Variants in ZNF274 observed in about 807,000 individuals in gnomAD.
ZNF274 encodes the protein neurotrophin receptor-interacting factor homolog.
A neutral mutation model predicts 42.5 loss-of-function variants in ZNF274; 23 were observed. The ratio of observed to expected loss-of-function variants is 0.54; its 90% CI spans 0.39 to 0.77. ZNF274 has a LOEUF of 0.77. ZNF274 is among the 30% of genes least tolerant of loss of function. The pLI, the probability that ZNF274 is intolerant of heterozygous loss-of-function variation, is 0.00. For synonymous variants in ZNF274, 292 were observed against 305.4 expected (o/e 0.96, Z 0.46); for missense variants, 679 against 806.5 (o/e 0.84, Z 1.91).
chr19:58,206,660 G>T (rs2075981109), intron 4 of ZNF274, 60 bp from the exon 5 acceptor site: 2 of 1,486,438 alleles, frequency 1.3e-6, no homozygotes, highest in Non-Finnish European at 1.8e-6. Context: ...GTGAATAATG[G>T]CGTTGAGCAT....
intron 4 of ZNF274, among the ~76,000 whole-genome samples, chr19:58,192,081 C>T (rs1011663934): frequency 6.6e-6 from 1 of 152,140 alleles, no homozygotes; most frequent in Non-Finnish European, 1.5e-5. Context: ...TAGCCAATTC[C>T]TGAAGGAAAA....
At chr19:58,196,091 G>C (rs557924949) in intron 4 of ZNF274, among the ~76,000 whole-genome samples, 4 of 152,328 alleles carry the variant, frequency 2.6e-5, no homozygotes, top group Non-Finnish European at 4.4e-5. Flanking sequence ...CGAATCTTCA[G>C]CTCTCACTAA....
intron 4 of ZNF274, among the ~76,000 whole-genome samples, chr19:58,188,480 G>A (rs979183598): frequency 6.6e-6 from 1 of 150,740 alleles, no homozygotes; most frequent in African/African-American, 2.4e-5. Context: ...AATTAGCTGG[G>A]CATGGTGGGT....
intron 4 of ZNF274, among the ~76,000 whole-genome samples, chr19:58,198,687 A>T (rs1011609173): frequency 6.6e-6 from 1 of 152,126 alleles, no homozygotes; most frequent in Admixed American, 6.6e-5. Context: ...CTGACACAGT[A>T]TAGGTGCTCA....
chr19:58,188,694 G>GTGTATATATATATATATATATA (rs1555816897), intron 4 of ZNF274, among the ~76,000 whole-genome samples: 6 of 74,656 alleles, frequency 8.0e-5, no homozygotes, highest in African/African-American at 1.6e-4. Context: ...ATATGTATAT[G>GTGTATATATATATATATATATA]TATATATATA....
In ZNF274 at chr19:58,210,204, C is replaced by G. The variant is rs776793200; in HGVS notation, c.852+131C>G. ...CTGGGACATTCTGAGATTCTGAGCT[C>G]TTAGGTCTGTGCTGAAGCAATCTGA... On this transcript the variant is annotated intron_variant, in intron 6 of 7. Coordinates refer to ENST00000617501, the MANE Select transcript of ZNF274 (RefSeq NM_133502.3). 21 of 678,962 alleles carry G rather than the reference C, an allele frequency of 3.1e-5. No individual in the cohort carries two copies. In the Admixed American group the frequency reaches 4.2e-4, roughly 14 times the overall value. 42.1% of individuals were successfully genotyped at this position (678,962 alleles called of 1,614,324 possible).
Position 58,212,168 on chromosome 19 carries a change from G to T in ZNF274, c.987G>T (p.Glu329Asp). Residue 329 changes from glutamate to aspartate, a missense_variant, in exon 8 of 8, where the codon GAG (glutamate) becomes GAT (aspartate). Physicochemically the swap from Glu to Asp is conservative, Grantham distance 45 (BLOSUM62 2). Coordinates refer to ENST00000617501, the MANE Select transcript of ZNF274 (RefSeq NM_133502.3). The surrounding 1 kb of genome is among the most constrained non-coding windows in gnomAD (Gnocchi z 4.6). ...TTTGTTTATTTTTTTCAGGGTGGGA[G>T]ACTACACTGGAAAATAAAGAGTTAG... ...TFGHLVSVGW[E>D]TTLENKELAP... 6.2e-7 allele frequency: 1 copy of T among 1,602,400 alleles called. No homozygotes were observed. Among genetic ancestry groups the T allele is most frequent in the South Asian group, 1.1e-5 (1 of 90,688 alleles).
At chr19:58,197,633 C>A (rs1228866434) in intron 4 of ZNF274, among the ~76,000 whole-genome samples, 2 of 152,134 alleles carry the variant, frequency 1.3e-5, no homozygotes, top group Non-Finnish European at 2.9e-5. Context: ...GAAGAAGTTG[C>A]AGGAGACAAG....
rs2076054442 is a variant in ZNF274, at chr19:58,212,488, CA to C, written c.1310del (p.Asn437ThrfsTer24). The C allele has an allele frequency of 1.2e-6, 2 of 1,613,752 alleles. No homozygotes were observed. The highest frequency in any genetic ancestry group is 8.5e-7 in the Non-Finnish European group (1 of 1,179,900). ...CAGGCAAACAGTGGCGCTCTTGACA[CA>C]AACCAAGTTTTGCTCCACAAAATTC... ...ESQANSGALD[T>X]NQVLLHKIPP... On this transcript the variant is annotated frameshift_variant, in exon 8 of 8. Transcript: ENST00000617501. LOFTEE classifies it low-confidence loss of function (END_TRUNC). The surrounding 1 kb of genome is among the most constrained non-coding windows in gnomAD (Gnocchi z 4.6).
At chr19:58,185,626 CT>C in intron 2 of ZNF274, 85 bp from the exon 3 acceptor site, 1 of 1,340,600 alleles carries the variant, frequency 7.5e-7, no homozygotes, top group Non-Finnish European at 9.7e-7. Flanking sequence ...CCATTCTGTG[CT>C]TTCACTGGCC....
chr19:58,206,776 C>T lies in ZNF274; in HGVS notation c.313C>T (p.Leu105=), dbSNP rs1277336454. 8.7e-6 allele frequency: 14 copies of T among 1,612,666 alleles called. No individual in the cohort carries two copies. The highest frequency in any genetic ancestry group is 3.3e-5 in the Admixed American group (2 of 59,832). The change falls in exon 5 of 8, where the codon CTA becomes TTA. Residue 105 remains leucine, a synonymous_variant. Coordinates refer to ENST00000617501, the MANE Select transcript of ZNF274 (RefSeq NM_133502.3). Reference sequence around the variant, plus strand: ...GGATCCTCTTCCTGCTGAGAGTCCCCTAATGAACATTGAGGTTGTTGAGGT... The same window carrying T: ...GGATCCTCTTCCTGCTGAGAGTCCCTTAATGAACATTGAGGTTGTTGAGGT... ...KLDPLPAESP[L]MNIEVVEVLT...
At chr19:58,188,718 A>ATATG in intron 4 of ZNF274, among the ~76,000 whole-genome samples, 3 of 134,858 alleles carry the variant, frequency 2.2e-5, no homozygotes, top group Non-Finnish European at 3.1e-5. Context: ...ATATATATAT[A>ATATG]TATATAAATC....
At chr19:58,186,311 G>A (rs1331065136) in intron 3 of ZNF274, 2 of 152,128 alleles carry the variant, frequency 1.3e-5, no homozygotes, top group East Asian at 3.9e-4. Flanking sequence ...TGGCACTTTG[G>A]GAGGCTGAGG....
intron 4 of ZNF274, among the ~76,000 whole-genome samples, chr19:58,191,388 C>T (rs1335842047): frequency 2.6e-5 from 4 of 152,210 alleles, no homozygotes; most frequent in Non-Finnish European, 4.4e-5. Flanking sequence ...CTGCCCACCT[C>T]GGCCTCCCAA....
At position 58,212,386 on chromosome 19, in the gene ZNF274, A is replaced by G. The variant is rs767551996; in HGVS notation, c.1205A>G (p.Asn402Ser). The change falls in exon 8 of 8, where the codon AAC (asparagine) becomes AGC (serine). Residue 402 changes from asparagine to serine, a missense_variant. This residue lies in a region of ZNF274 where 456 missense variants were observed against 590.1 expected (regional missense o/e 0.77). Transcript: ENST00000617501. This position sits in a 1 kb window ranked among gnomAD's most constrained non-coding sequence, Gnocchi z 4.6. ...KDLPQKKHFD[N>S]RESQANSGAL... Reference sequence around the variant, plus strand: ...CTTCCTCAGAAGAAGCACTTTGACAACCGTGAGTCCCAGGCAAACAGTGGT... The same window carrying G: ...CTTCCTCAGAAGAAGCACTTTGACAGCCGTGAGTCCCAGGCAAACAGTGGT... 18 of 1,613,784 alleles carry G rather than the reference A, an allele frequency of 1.1e-5. No individual in the cohort carries two copies. The highest frequency in any genetic ancestry group is 2.2e-5 in the East Asian group (1 of 44,900).
At chr19:58,183,750 A>G in intron 1 of ZNF274, 171 bp from the exon 2 acceptor site, 2 of 526,294 alleles carry the variant, frequency 3.8e-6, no homozygotes, top group Non-Finnish European at 3.4e-6. Context: ...GGGGAGGGGA[A>G]AACTGGTCCT....
rs1370774734 is a variant in ZNF274, at chr19:58,211,685, G to A, written c.978G>A (p.Val326=). The change falls in exon 7 of 8, where the codon GTG becomes GTA. Residue 326 remains valine (V), a splice_region_variant and synonymous_variant. Coordinates refer to ENST00000617501, the MANE Select transcript of ZNF274 (RefSeq NM_133502.3). The surrounding 1 kb of genome is among the most constrained non-coding windows in gnomAD (Gnocchi z 4.8). The part of the protein sequence containing the change: ...MLETFGHLVS[V]GWETTLENKE... Reference sequence around the variant, plus strand: ...AGACCTTTGGGCACCTGGTCTCTGTGGGTAAGGCTGTGCCCCCTCTTCACC... The same window carrying A: ...AGACCTTTGGGCACCTGGTCTCTGTAGGTAAGGCTGTGCCCCCTCTTCACC... 1 of 1,610,806 alleles carries A rather than the reference G, an allele frequency of 6.2e-7. No individual in the cohort carries two copies. Among genetic ancestry groups the A allele is most frequent in the South Asian group, 1.1e-5 (1 of 90,714 alleles).
intron 2 of ZNF274, 95 bp downstream of exon 2, chr19:58,184,093 C>A: frequency 7.2e-7 from 1 of 1,382,650 alleles, no homozygotes; most frequent in Non-Finnish European, 1.0e-6. Flanking sequence ...ATACCCCCAT[C>A]CTCCAGAGCA....
In ZNF274 at chr19:58,199,049, C is replaced by T. The variant is rs1315971653; in HGVS notation, c.257-7671C>T. Among the ~76,000 whole-genome samples the T allele has an allele frequency of 2.6e-5, 4 of 151,710 alleles. No individual in the cohort carries two copies. In the East Asian group the frequency reaches 7.7e-4, roughly 29 times the overall value. ...AAAATTAGCCATGTGTGCTGGGGTG[C>T]GCACCTCTGAAATACTATTAAAATG... On this transcript the variant is annotated intron_variant, in intron 4 of 7. Coordinates refer to ENST00000617501, the MANE Select transcript of ZNF274 (RefSeq NM_133502.3).
Sources: gnomAD v4.1 joint callset for allele counts (sites outside exome capture counted in the v4.1 genomes callset) on GRCh38, gnomAD v4.1.1 for gene constraint, gnomAD v4.1.1 regional missense constraint, Gnocchi (gnomAD v3.1) non-coding constraint, MANE v1.5 for transcripts, NCBI Gene and HGNC (gene_info 2026-07-23, HGNC 2026-07-21) for gene names.